Variants in CNOT10 observed in about 807,000 individuals in gnomAD.
The protein encoded by CNOT10 is CCR4-NOT transcription complex, subunit 10.
A neutral mutation model predicts 94.6 loss-of-function variants in CNOT10; 30 were observed. The ratio of observed to expected loss-of-function variants is 0.32; its 90% CI spans 0.24 to 0.43. The LOEUF is 0.43. CNOT10 is among the 20% of genes least tolerant of loss of function. The probability of loss-of-function intolerance (pLI) is 1.00; values close to 1 mark genes in which losing one functional copy is unlikely to be tolerated. For missense variants in CNOT10, 759 were observed against 877.2 expected (o/e 0.87, Z 1.70); for synonymous variants, 289 against 301.6 (o/e 0.96, Z 0.43).
At chr3:32,738,073 A>C (rs184190902) in intron 13 of CNOT10, among the ~76,000 whole-genome samples, 2 of 152,234 alleles carry the variant, frequency 1.3e-5, no homozygotes, top group Admixed American at 6.5e-5. Context: ...TGACCATATA[A>C]ATGAGTTGAG....
Position 32,773,487 on chromosome 3 carries a change from A to G in CNOT10, c.2111A>G (p.Lys704Arg). 1 of 1,613,740 alleles carries G rather than the reference A, an allele frequency of 6.2e-7. No individual in the cohort carries two copies. Among genetic ancestry groups the G allele is most frequent in the Non-Finnish European group, 8.5e-7 (1 of 1,179,926 alleles). The change falls in exon 19 of 19, where the codon AAA becomes AGA. Residue 704 changes from lysine to arginine, a missense_variant. Transcript: ENST00000328834. The part of the protein sequence containing the change: ...GNTQLALQII[K>R]RNQLLPAVKT... ...ACTCAGCTGGCCTTACAGATCATCA[A>G]AAGGAATCAGCTGCTCCCTGCAGTG...
chr3:32,726,522 G>C (rs966317946), intron 9 of CNOT10, among the ~76,000 whole-genome samples: 1 of 151,716 alleles, frequency 6.6e-6, no homozygotes, highest in Non-Finnish European at 1.5e-5. Flanking sequence ...GTGAAACCCT[G>C]TCTCTACTAA....
chr3:32,727,533 G>A (rs983576858), intron 9 of CNOT10, 135 bp from the exon 10 acceptor site: 25 of 638,180 alleles, frequency 3.9e-5, no homozygotes, highest in Middle Eastern at 7.5e-4. Flanking sequence ...CACCATTGGC[G>A]AGAGCTATTA....
At chr3:32,757,732 T>C (rs1271822152) in intron 13 of CNOT10, among the ~76,000 whole-genome samples, 1 of 152,140 alleles carries the variant, frequency 6.6e-6, no homozygotes, top group South Asian at 2.1e-4. Flanking sequence ...TCCCTGAGTC[T>C]TCCTTCATGG....
At chr3:32,720,332 T>C in intron 8 of CNOT10, 101 bp downstream of exon 8, 1 of 510,030 alleles carries the variant, frequency 2.0e-6, no homozygotes, top group African/African-American at 1.9e-5. Context: ...TGATTTATGC[T>C]AATTTTTTAA....
At position 32,704,834 on chromosome 3, in the gene CNOT10, A is replaced by G; in HGVS notation, c.141A>G (p.Leu47=). 1.9e-6 allele frequency: 3 copies of G among 1,567,400 alleles called. No homozygotes were observed. Among genetic ancestry groups the G allele is most frequent in the South Asian group, 1.2e-5 (1 of 81,502 alleles). ...AGTCTGGAAATTATGATGCCTGTCTACAACACCTTGCCTGTCTACAAGATA... is the reference window on the plus strand; with the variant it reads ...AGTCTGGAAATTATGATGCCTGTCTGCAACACCTTGCCTGTCTACAAGATA... ...AFTSGNYDAC[L]QHLACLQDIN... is the part of the protein sequence containing the mutation. The change falls in exon 3 of 19, where the codon CTA becomes CTG. Residue 47 remains leucine (L), a synonymous_variant. Coordinates refer to ENST00000328834, the MANE Select transcript of CNOT10 (RefSeq NM_015442.3).
chr3:32,741,434 A>G (rs1699455730), intron 13 of CNOT10, among the ~76,000 whole-genome samples: 1 of 152,144 alleles, frequency 6.6e-6, no homozygotes, highest in Non-Finnish European at 1.5e-5. Flanking sequence ...ATGAACGTCC[A>G]ACAGTGCTGC....
chr3:32,720,068 G>T, intron 7 of CNOT10, 46 bp from the exon 8 acceptor site: 1 of 926,238 alleles, frequency 1.1e-6, no homozygotes, highest in South Asian at 1.9e-5. Flanking sequence ...TCTTACATTA[G>T]GCGTCTGAAA....
At chr3:32,715,490 T>C (rs1698079910) in intron 5 of CNOT10, among the ~76,000 whole-genome samples, 1 of 152,196 alleles carries the variant, frequency 6.6e-6, no homozygotes, top group African/African-American at 2.4e-5. Flanking sequence ...GAGTGATAGC[T>C]TGAAGAACTT....
rs147379946 is a variant in CNOT10, at chr3:32,727,835, C to T, written c.1180C>T (p.Arg394Trp). 3.7e-6 allele frequency: 6 copies of T among 1,612,922 alleles called. No homozygotes were observed. The highest frequency in any genetic ancestry group is 1.3e-5 in the African/African-American group (1 of 74,652). The change falls in exon 10 of 19, where the codon CGG (arginine) becomes TGG (tryptophan). Residue 394 changes from arginine (R) to tryptophan (W), a missense_variant. Coordinates refer to ENST00000328834, the MANE Select transcript of CNOT10 (RefSeq NM_015442.3). ...TCATGCAAATCCTCGCCTCTGGCTA[C>T]GGCTGGCTGAATGCTGCATTGCTGC... The part of the protein sequence containing the change: ...VYHANPRLWL[R>W]LAECCIAANK...
At chr3:32,741,329 C>T (rs1014442212) in intron 13 of CNOT10, among the ~76,000 whole-genome samples, 2 of 4,464 alleles carry the variant, frequency 4.5e-4, no homozygotes, top group South Asian at 0.023. Flanking sequence ...TGTAGGACAT[C>T]TAGCTTTATT....
intron 8 of CNOT10, among the ~76,000 whole-genome samples, chr3:32,722,041 A>C (rs1180332232): frequency 6.6e-6 from 1 of 152,206 alleles, no homozygotes; most frequent in Admixed American, 6.5e-5. Flanking sequence ...TGTGACTGTC[A>C]TTTAGGTTTA....
At chr3:32,733,106 A>G (rs1197304705) in intron 10 of CNOT10, among the ~76,000 whole-genome samples, 5 of 152,206 alleles carry the variant, frequency 3.3e-5, no homozygotes, top group African/African-American at 9.6e-5. Flanking sequence ...TACCTGTAAC[A>G]TGTAGCATGG....
chr3:32,762,306 G>A (rs984428736), intron 14 of CNOT10, among the ~76,000 whole-genome samples: 14 of 151,404 alleles, frequency 9.2e-5, no homozygotes, highest in South Asian at 4.2e-4. Context: ...GTCTCACTCT[G>A]TCATTCAGGC....
intron 17 of CNOT10, 196 bp downstream of exon 17, chr3:32,765,005 GTTC>G: frequency 1.3e-6 from 2 of 1,508,506 alleles, no homozygotes; most frequent in Non-Finnish European, 1.8e-6. Context: ...TTAAAGGAAA[GTTC>G]TTCTTGATGA....
Position 32,708,906 on chromosome 3 carries a change from C to T in CNOT10, c.430+86C>T, listed in dbSNP as rs1697746784. Reference sequence around the variant, plus strand: ...TACTTTTACCTAGATAACCTAAATCCGAGAAGTCCATGCCAGTATTCAAAG... The same window carrying T: ...TACTTTTACCTAGATAACCTAAATCTGAGAAGTCCATGCCAGTATTCAAAG... On this transcript the variant is annotated intron_variant, in intron 4 of 18. Transcript: ENST00000328834. 3.7e-6 allele frequency: 4 copies of T among 1,087,540 alleles called. No homozygotes were observed. The East Asian group carries it at 1.0e-4, about 28-fold the overall frequency. 67.4% of individuals were successfully genotyped at this position (1,087,540 alleles called of 1,614,324 possible). A position where few individuals can be genotyped will look rare whatever the true frequency, so the allele number is the denominator to read the frequency against.
chr3:32,720,128 C>G lies in CNOT10; in HGVS notation c.759C>G (p.Leu253=). The G allele has an allele frequency of 6.6e-7, 1 of 1,524,150 alleles. No individual in the cohort carries two copies. Among genetic ancestry groups the G allele is most frequent in the Non-Finnish European group, 9.0e-7 (1 of 1,116,330 alleles). The allele number at this position is 1,524,150 out of a possible 1,614,324, so 94.4% of individuals were successfully genotyped here. A position where few individuals can be genotyped will look rare whatever the true frequency, so the allele number is the denominator to read the frequency against. Residue 253 remains leucine, a synonymous_variant, in exon 8 of 19, where the codon CTC becomes CTG. Coordinates refer to ENST00000328834, the MANE Select transcript of CNOT10 (RefSeq NM_015442.3). The part of the protein sequence containing the change: ...MNTAGNSAPS[L]FLKSNFEYLR... ...TTTCTCTACAGTCCGCACCCTCTCT[C>G]TTTCTTAAAAGCAATTTTGAGTACT...
intron 13 of CNOT10, among the ~76,000 whole-genome samples, chr3:32,741,852 G>A (rs114475386): frequency 0.037 from 5,658 of 150,916 alleles, 170 homozygotes; most frequent in Middle Eastern, 0.08. Context: ...CACCAGTGAT[G>A]TATGAGTGAT....
intron 13 of CNOT10, chr3:32,753,813 A>C: frequency 1.3e-6 from 2 of 1,585,650 alleles, no homozygotes; most frequent in Non-Finnish European, 1.7e-6. Flanking sequence ...TGGGAGTCTG[A>C]TGGTACAGTT....
Sources: gnomAD v4.1 joint callset for allele counts (sites outside exome capture counted in the v4.1 genomes callset) on GRCh38, gnomAD v4.1.1 for gene constraint, MANE v1.5 for transcripts, NCBI Gene and HGNC (gene_info 2026-07-23, HGNC 2026-07-21) for gene names.